The following KLHL13 variants were observed in gnomAD, a reference collection of about 807,000 sequenced individuals.
KLHL13 encodes kelch like family member 13, also known as kelch-like protein 13.
A neutral mutation model predicts 37.1 loss-of-function variants in KLHL13; 10 were observed. That is an observed-to-expected ratio of 0.27 (90% CI 0.17 to 0.46). The LOEUF (loss-of-function observed/expected upper bound fraction) is 0.46, where lower values mean the gene tolerates loss of function less well. Ranked by LOEUF, KLHL13 falls within the 20% of genes least tolerant of loss-of-function variation. The pLI, the probability that KLHL13 is intolerant of heterozygous loss-of-function variation, is 1.00. For synonymous variants in KLHL13, 163 were observed against 181.2 expected, an observed-to-expected ratio of 0.90 and a Z score of 0.81; for missense variants, 360 against 509.3, an observed-to-expected ratio of 0.71 and a Z score of 2.82.
intron 5 of KLHL13, among the ~76,000 whole-genome samples, chrX:117,905,148 G>T (rs182613618): frequency 9.0e-6 from 1 of 110,933 alleles, no homozygotes; most frequent in Non-Finnish European, 1.9e-5. Flanking sequence ...CCTTTGGGGG[G>T]TATAGAGGCA....
chrX:118,091,216 C>T (rs961000940), intron 1 of KLHL13, among the ~76,000 whole-genome samples: 1 of 109,496 alleles, frequency 9.1e-6, no homozygotes, highest in African/African-American at 3.3e-5. Flanking sequence ...CAGCATGGCA[C>T]ATGTATACAT....
chrX:118,061,541 G>A (rs2054741834), intron 1 of KLHL13, among the ~76,000 whole-genome samples: 1 of 111,611 alleles, frequency 9.0e-6, no homozygotes, highest in African/African-American at 3.3e-5. Context: ...AAGTCTTTAC[G>A]GAGGCAGAAG....
intron 1 of KLHL13, among the ~76,000 whole-genome samples, chrX:118,014,234 A>C (rs761240337): frequency 1.1e-4 from 12 of 111,780 alleles, no homozygotes; most frequent in Non-Finnish European, 1.9e-4. Context: ...TTCTTTTCCC[A>C]GCAAGGAATA....
chrX:118,107,372 T>C (rs759744171), intron 1 of KLHL13, among the ~76,000 whole-genome samples: 27 of 111,484 alleles, frequency 2.4e-4, no homozygotes, highest in South Asian at 7.6e-4. Context: ...TACTCACCAT[T>C]TACGAGATGC....
intron 2 of KLHL13, among the ~76,000 whole-genome samples, chrX:117,927,988 A>C (rs1307972314): frequency 8.9e-6 from 1 of 112,357 alleles, no homozygotes; most frequent in Non-Finnish European, 1.9e-5. Flanking sequence ...GTTAATTTAC[A>C]AAAATAAAAG....
rs191063947 is a variant in KLHL13, at chrX:118,031,103, C to A, written c.-56+85405G>T. The stretch of plus-strand genomic sequence containing the variant: ...GATTTTCAACAAATAACTCATGTAT[C>A]CAATCTCATGACACATTCCTGCCTT... On this transcript the variant is annotated intron_variant, in intron 1 of 6. Coordinates refer to the KLHL13 transcript ENST00000371882. 6.6e-4 allele frequency among the ~76,000 whole-genome samples: 73 copies of A among 110,590 alleles called. No homozygotes were observed. The South Asian group carries it at 0.027, about 40-fold the overall frequency.
chrX:117,940,526 C>T (rs1045327331), intron 2 of KLHL13, among the ~76,000 whole-genome samples: 5 of 111,619 alleles, frequency 4.5e-5, no homozygotes, highest in African/African-American at 1.6e-4. Context: ...CTATAAATTA[C>T]GTTGGGCAGT....
intron 5 of KLHL13, among the ~76,000 whole-genome samples, chrX:117,907,044 G>A (rs1930591898): frequency 1.8e-5 from 2 of 111,235 alleles, no homozygotes; most frequent in African/African-American, 6.5e-5. Flanking sequence ...ATGAATTTAG[G>A]AATACCCTAA....
rs770758837 is a variant in KLHL13 at position 117,919,569 on chromosome X, T to C, written c.522A>G (p.Leu174=). 8 of 1,210,553 alleles carry C rather than the reference T, an allele frequency of 6.6e-6. No individual in the cohort carries two copies. In the South Asian group the frequency reaches 1.2e-4, roughly 19 times the overall value. ...AGAAGTCCAAAACTGGCAGAATCTG[T>C]AGGAAACTGGCAGCTTCCAGCGTGT... is the stretch of plus-strand genomic sequence containing the variant. Residue 174 remains leucine, a synonymous_variant, in exon 4 of 7, where the codon CTA becomes CTG. Coordinates refer to ENST00000262820, the Ensembl canonical transcript of KLHL13.
intron 1 of KLHL13, among the ~76,000 whole-genome samples, chrX:118,112,838 C>A (rs1274913678): frequency 8.9e-6 from 1 of 111,754 alleles, no homozygotes; most frequent in Non-Finnish European, 1.9e-5. Context: ...TCAGGAAACA[C>A]AGTAACCCTA....
At chrX:117,950,600 C>T (rs1933544458) in intron 1 of KLHL13, among the ~76,000 whole-genome samples, 1 of 111,772 alleles carries the variant, frequency 8.9e-6, no homozygotes, top group African/African-American at 3.3e-5. Context: ...ACAGGAACAA[C>T]AACAATAACA....
At chrX:118,031,506 T>TAG (rs2054341909) in intron 1 of KLHL13, among the ~76,000 whole-genome samples, 1,056 of 81,253 alleles carry the variant, frequency 0.013, no homozygotes, top group African/African-American at 0.03. Flanking sequence ...GATATATATA[T>TAG]ATACACACAC....
chrX:117,976,264 A>G (rs1602618120), upstream of KLHL13, among the ~76,000 whole-genome samples: 2 of 112,157 alleles, frequency 1.8e-5, no homozygotes, highest in Non-Finnish European at 3.8e-5. Context: ...ATTACCTCTC[A>G]TGAGCAAACA....
chrX:117,979,601 G>T (rs2053637095), intron 1 of KLHL13, among the ~76,000 whole-genome samples: 1 of 111,245 alleles, frequency 9.0e-6, no homozygotes. Flanking sequence ...ATATATTGAA[G>T]CCAGAATATA....
intron 1 of KLHL13, among the ~76,000 whole-genome samples, chrX:117,961,086 C>T (rs759744800): frequency 1.1e-4 from 12 of 111,496 alleles, no homozygotes; most frequent in Non-Finnish European, 2.3e-4. Flanking sequence ...CTTGCAAAAT[C>T]GATGTAATCA....
intron 1 of KLHL13, among the ~76,000 whole-genome samples, chrX:117,991,578 G>A (rs1234162414): frequency 9.0e-6 from 1 of 110,504 alleles, no homozygotes; most frequent in African/African-American, 3.3e-5. Flanking sequence ...TCAACCCCCA[G>A]CCCCACCTTA....
chrX:118,091,317 C>T (rs182288018), intron 1 of KLHL13, among the ~76,000 whole-genome samples: 6 of 110,920 alleles, frequency 5.4e-5, no homozygotes, highest in Non-Finnish European at 1.1e-4. Flanking sequence ...AAGATGACAG[C>T]GATGTTAGAA....
intron 1 of KLHL13, among the ~76,000 whole-genome samples, chrX:117,949,993 T>C (rs1374117769): frequency 2.7e-5 from 3 of 112,453 alleles, no homozygotes; most frequent in Non-Finnish European, 5.6e-5. Flanking sequence ...TTGTAATTTC[T>C]GAAGGGAAAA....
intron 1 of KLHL13, among the ~76,000 whole-genome samples, chrX:118,089,604 GAGAGAGAGAAAGAA>G (rs2055096276): frequency 1.6e-5 from 1 of 61,507 alleles, no homozygotes; most frequent in African/African-American, 7.6e-5. Context: ...GAGAGAGAGA[GAGAGAGAGAAAGAA>G]AGAGAAAGAA....
Sources: allele counts gnomAD v4.1 joint callset (sites outside exome capture counted in the v4.1 genomes callset), GRCh38; gene constraint gnomAD v4.1.1; transcripts MANE v1.5; gene names NCBI Gene and HGNC (gene_info 2026-07-23, HGNC 2026-07-21).